The following DNTT variants were observed in gnomAD, a reference collection of about 807,000 sequenced individuals.
The protein encoded by DNTT is nucleosidetriphosphate:DNA deoxynucleotidylexotransferase.
DNTT carries 47 observed loss-of-function variants against 60.9 expected under a neutral mutation model. That is an observed-to-expected ratio of 0.77 (90% CI 0.61 to 0.98). DNTT has a LOEUF of 0.98. Ranked by LOEUF, DNTT falls within the 50% of genes least tolerant of loss-of-function variation. The pLI is 0.00. For missense variants in DNTT, 665 were observed against 627.5 expected, an observed-to-expected ratio of 1.06 and a Z score of -0.64; for synonymous variants, 224 against 221.2, an observed-to-expected ratio of 1.01 and a Z score of -0.11.
chr10:96,332,480 GA>G lies in DNTT; in HGVS notation c.1244del (p.Asp415AlafsTer20). The stretch of plus-strand genomic sequence containing the variant: ...TTTCAAATTGCCTCGTCAAAGAGTG[GA>G]CAGTGACCAGTCCAGCTGGCAGGAA... ...LIFKLPRQRVDSDQSSWQEGK... is the reference protein window; with the variant it reads ...LIFKLPRQRVXSDQSSWQEGK... On this transcript the variant is annotated frameshift_variant, in exon 9 of 11. Transcript: ENST00000371174. LOFTEE classifies it high-confidence loss of function. The G allele has an allele frequency of 6.2e-7, 1 of 1,614,174 alleles. No individual in the cohort carries two copies. Among genetic ancestry groups the G allele is most frequent in the South Asian group, 1.1e-5 (1 of 91,074 alleles).
chr10:96,320,463 G>A (rs189496426), intron 3 of DNTT, among the ~76,000 whole-genome samples, 155 bp from the exon 4 acceptor site: 20 of 152,350 alleles, frequency 1.3e-4, no homozygotes, highest in African/African-American at 4.8e-4. Flanking sequence ...TGACACCAGA[G>A]AGGCATACAA....
rs532781949 is a variant in DNTT, at chr10:96,321,437, G to C, written c.678+649G>C. On this transcript the variant is annotated intron_variant, in intron 4 of 10. Coordinates refer to ENST00000371174, the MANE Select transcript of DNTT (RefSeq NM_004088.4). ...GAGCATGTGCAGTGTGTCTACTGGA[G>C]TTGTATGCATGCTCACCTGAGGCAT... 5.3e-5 allele frequency among the ~76,000 whole-genome samples: 8 copies of C among 152,222 alleles called. No homozygotes were observed. The East Asian group carries it at 1.5e-3, about 29-fold the overall frequency.
chr10:96,314,659 C>G (rs1039996411), intron 1 of DNTT, among the ~76,000 whole-genome samples: 1 of 151,564 alleles, frequency 6.6e-6, no homozygotes, highest in African/African-American at 2.4e-5. Flanking sequence ...TGATCTGCCC[C>G]CCTCAGCCTC....
intron 9 of DNTT, among the ~76,000 whole-genome samples, chr10:96,333,499 A>G (rs1845031812): frequency 6.6e-6 from 1 of 152,244 alleles, no homozygotes; most frequent in South Asian, 2.1e-4. Flanking sequence ...TATGTCAAAG[A>G]GAGGTCTGCA....
chr10:96,337,169 G>GTTTCCCC, intron 10 of DNTT, among the ~76,000 whole-genome samples: 1 of 152,292 alleles, frequency 6.6e-6, no homozygotes, highest in African/African-American at 2.4e-5. Flanking sequence ...TCTCAGGCAG[G>GTTTCCCC]TTTCCCCATA....
In DNTT at chr10:96,338,121, T is replaced by G; in HGVS notation, c.1444-17T>G. On this transcript the variant is annotated splice_polypyrimidine_tract_variant and intron_variant, in intron 10 of 10. Transcript: ENST00000371174. ...TGAAAAATATCTGAATGCACATATTTCTTGTTATGTTTTCAGAGGATATTC... is the reference window on the plus strand; with the variant it reads ...TGAAAAATATCTGAATGCACATATTGCTTGTTATGTTTTCAGAGGATATTC... 1 of 1,605,848 alleles carries G rather than the reference T, an allele frequency of 6.2e-7. No homozygotes were observed. Among genetic ancestry groups the G allele is most frequent in the Non-Finnish European group, 8.5e-7 (1 of 1,176,264 alleles).
rs956779342 is a variant in DNTT, at chr10:96,318,825, C to T, written c.378+299C>T. On this transcript the variant is annotated intron_variant, in intron 2 of 10. Transcript: ENST00000371174. ...CGCTATTTTCCCGAACACATTTATACACAAATCTTTCAAAATATTTAAGCC... is the reference window on the plus strand; with the variant it reads ...CGCTATTTTCCCGAACACATTTATATACAAATCTTTCAAAATATTTAAGCC... 6.6e-5 allele frequency among the ~76,000 whole-genome samples: 10 copies of T among 152,218 alleles called. 1 individual carries two copies. In the South Asian group the frequency reaches 1.0e-3, roughly 16 times the overall value.
chr10:96,328,765 A>G lies in DNTT; in HGVS notation c.1048A>G (p.Ser350Gly). The stretch of plus-strand genomic sequence containing the variant: ...GCATGATGTAGATTTTTTAATTACC[A>G]GCCCAGGATCAACAGAGGATGAAGA... The part of the protein sequence containing the change: ...MGHDVDFLIT[S>G]PGSTEDEEQL... Residue 350 changes from serine (S) to glycine (G), a missense_variant, in exon 8 of 11, where the codon AGC becomes GGC. Coordinates refer to ENST00000371174, the MANE Select transcript of DNTT (RefSeq NM_004088.4). 1 of 1,613,974 alleles carries G rather than the reference A, an allele frequency of 6.2e-7. No homozygotes were observed. Among genetic ancestry groups the G allele is most frequent in the East Asian group, 2.2e-5 (1 of 44,854 alleles).
intron 10 of DNTT, among the ~76,000 whole-genome samples, chr10:96,336,887 G>A (rs1589378472): frequency 7.0e-6 from 1 of 142,362 alleles, no homozygotes; most frequent in African/African-American, 2.6e-5. Flanking sequence ...GCAGTGAGCC[G>A]AGATCACACC....
chr10:96,327,241 C>T (rs746933430), intron 6 of DNTT, among the ~76,000 whole-genome samples: 1 of 152,138 alleles, frequency 6.6e-6, no homozygotes, highest in African/African-American at 2.4e-5. Flanking sequence ...GTCTCCTTCT[C>T]AGGAAATTGT....
chr10:96,304,511 G>C lies in DNTT; in HGVS notation c.14G>C (p.Arg5Pro). 6.2e-7 allele frequency: 1 copy of C among 1,613,708 alleles called. No homozygotes were observed. The highest frequency in any genetic ancestry group is 8.5e-7 in the Non-Finnish European group (1 of 1,179,996). Residue 5 changes from arginine to proline, a missense_variant, in exon 1 of 11, where the codon CGA becomes CCA. Arg to Pro is a moderately radical substitution (Grantham distance 103, BLOSUM62 -2). Coordinates refer to ENST00000371174, the MANE Select transcript of DNTT (RefSeq NM_004088.4). The stretch of plus-strand genomic sequence containing the variant: ...CAGCCTCTTCCCATGGATCCACCAC[G>C]AGCGTCCCACTTGAGCCCTCGGAAG... MDPP[R>P]ASHLSPRKKR...
At chr10:96,309,590 A>G (rs1844684947) in intron 1 of DNTT, among the ~76,000 whole-genome samples, 1 of 152,102 alleles carries the variant, frequency 6.6e-6, no homozygotes, top group African/African-American at 2.4e-5. Flanking sequence ...ATAATGTTTG[A>G]CATGTGGATT....
intron 9 of DNTT, 125 bp from the exon 10 acceptor site, chr10:96,335,766 T>TG: frequency 9.0e-7 from 1 of 1,115,986 alleles, no homozygotes; most frequent in Non-Finnish European, 1.3e-6. Flanking sequence ...AATTTGGCCC[T>TG]GGGGGAGGAA....
intron 8 of DNTT, among the ~76,000 whole-genome samples, chr10:96,330,540 A>C (rs1844995157): frequency 6.6e-6 from 1 of 152,230 alleles, no homozygotes; most frequent in African/African-American, 2.4e-5. Flanking sequence ...CACCTCCTCC[A>C]GAGGTTCTTC....
rs1589375368 is a variant in DNTT, at chr10:96,327,735, C to T, written c.1007+135C>T. The T allele has an allele frequency of 8.6e-6, 12 of 1,395,524 alleles. No individual in the cohort carries two copies. In the South Asian group the frequency reaches 1.4e-4, roughly 16 times the overall value. 86.4% of individuals were successfully genotyped at this position (1,395,524 alleles called of 1,614,324 possible). On this transcript the variant is annotated intron_variant, in intron 7 of 10. Coordinates refer to ENST00000371174, the MANE Select transcript of DNTT (RefSeq NM_004088.4). ...TTCTACAGCTTTATCTCCTGCCTCT[C>T]ACATTTCATTTCAGCAACCCCAAAT...
At chr10:96,319,455 C>T in intron 3 of DNTT, 65 bp downstream of exon 3, 2 of 1,591,134 alleles carry the variant, frequency 1.3e-6, no homozygotes, top group Non-Finnish European at 1.7e-6. Flanking sequence ...CTGTGGACCG[C>T]AAATTAAATT....
At chr10:96,308,937 C>A (rs1844675724) in intron 1 of DNTT, among the ~76,000 whole-genome samples, 1 of 152,224 alleles carries the variant, frequency 6.6e-6, no homozygotes, top group South Asian at 2.1e-4. Context: ...TTTTGTGTAT[C>A]TTCAGTTGCT....
At position 96,324,289 on chromosome 10, in the gene DNTT, G is replaced by A. The variant is rs777367570; in HGVS notation, c.774G>A (p.Val258=). Residue 258 remains valine, a synonymous_variant, in exon 6 of 11, where the codon GTG becomes GTA. Coordinates refer to ENST00000371174, the MANE Select transcript of DNTT (RefSeq NM_004088.4). Reference sequence around the variant, plus strand: ...AGCTCTTTACTTCTGTATTTGGAGTGGGGCTGAAGACTTCTGAGAAGTGGT... The same window carrying A: ...AGCTCTTTACTTCTGTATTTGGAGTAGGGCTGAAGACTTCTGAGAAGTGGT... ...SFKLFTSVFG[V]GLKTSEKWFR... The A allele has an allele frequency of 1.3e-5, 21 of 1,613,582 alleles. No individual in the cohort carries two copies. The highest frequency in any genetic ancestry group is 6.6e-5 in the South Asian group (6 of 91,032).
chr10:96,326,574 C>T (rs1844941273), intron 6 of DNTT, among the ~76,000 whole-genome samples: 2 of 152,204 alleles, frequency 1.3e-5, no homozygotes, highest in Non-Finnish European at 2.9e-5. Flanking sequence ...AATAGATTTA[C>T]TCTTGTCATT....
Sources: allele counts gnomAD v4.1 joint callset (sites outside exome capture counted in the v4.1 genomes callset), GRCh38; gene constraint gnomAD v4.1.1; transcripts MANE v1.5; gene names NCBI Gene and HGNC (gene_info 2026-07-23, HGNC 2026-07-21).